The following RUNDC3B variants were observed in gnomAD, a reference collection of about 807,000 sequenced individuals.
RUNDC3B encodes the protein RUN domain-containing protein 3B.
In RUNDC3B, 33 loss-of-function variants were observed where a neutral mutation model predicts 58.4. That is an observed-to-expected ratio of 0.56 (90% confidence interval 0.43 to 0.75). The LOEUF is 0.75. Ranked by LOEUF, RUNDC3B falls within the 30% of genes least tolerant of loss-of-function variation. The pLI is 0.00. For synonymous variants in RUNDC3B, 193 were observed against 195.2 expected, an observed-to-expected ratio of 0.99 and a Z score of 0.10; for missense variants, 501 against 535.7, an observed-to-expected ratio of 0.94 and a Z score of 0.64.
chr7:87,695,618 T>G (rs550990141), intron 2 of RUNDC3B, among the ~76,000 whole-genome samples: 1 of 152,250 alleles, frequency 6.6e-6, no homozygotes, highest in Middle Eastern at 3.4e-3. Context: ...AACAGAACTT[T>G]CATTTGTGAA....
At chr7:87,632,611 T>A (rs1381307762) in intron 1 of RUNDC3B, among the ~76,000 whole-genome samples, 1 of 152,196 alleles carries the variant, frequency 6.6e-6, no homozygotes, top group Non-Finnish European at 1.5e-5. Flanking sequence ...ATATTCTCTA[T>A]CGTTTAGAAC....
At chr7:87,689,563 A>G (rs890681399) in intron 2 of RUNDC3B, among the ~76,000 whole-genome samples, 1 of 152,164 alleles carries the variant, frequency 6.6e-6, no homozygotes, top group Non-Finnish European at 1.5e-5. Flanking sequence ...CTAATTATTA[A>G]TTAGCTAATA....
chr7:87,692,374 T>C (rs1212707655), intron 2 of RUNDC3B, among the ~76,000 whole-genome samples: 1 of 152,174 alleles, frequency 6.6e-6, no homozygotes, highest in East Asian at 1.9e-4. Context: ...GGAGGATCGC[T>C]TGAGTCCAAG....
intron 4 of RUNDC3B, chr7:87,713,245 A>T (rs201724184): frequency 1.3e-5 from 2 of 152,190 alleles, no homozygotes; most frequent in African/African-American, 2.4e-5. Context: ...AGAATATCTG[A>T]ATAAAGTAGA....
chr7:87,629,818 C>G (rs1194732177), intron 1 of RUNDC3B, among the ~76,000 whole-genome samples: 1 of 150,432 alleles, frequency 6.6e-6, no homozygotes, highest in African/African-American at 2.5e-5. Flanking sequence ...CCCAGCTACT[C>G]GGGAGGGTGA....
intron 4 of RUNDC3B, among the ~76,000 whole-genome samples, chr7:87,723,874 A>G (rs1831050717): frequency 6.6e-6 from 1 of 152,212 alleles, no homozygotes; most frequent in Non-Finnish European, 1.5e-5. Context: ...ATGTCCAAAT[A>G]TGATAAAGCG....
intron 6 of RUNDC3B, among the ~76,000 whole-genome samples, chr7:87,746,072 G>A (rs1330889440): frequency 6.6e-6 from 1 of 152,178 alleles, no homozygotes; most frequent in Non-Finnish European, 1.5e-5. Context: ...TGCTCATTAA[G>A]GAGCAGGTTA....
intron 2 of RUNDC3B, among the ~76,000 whole-genome samples, chr7:87,684,639 G>A (rs758250173): frequency 2.7e-5 from 4 of 150,734 alleles, no homozygotes; most frequent in African/African-American, 4.9e-5. Context: ...CCCCAGCTAC[G>A]CAGGAGGCTG....
At chr7:87,678,471 T>A (rs1412107902) in intron 2 of RUNDC3B, among the ~76,000 whole-genome samples, 1 of 152,142 alleles carries the variant, frequency 6.6e-6, no homozygotes, top group Non-Finnish European at 1.5e-5. Context: ...TAAGAGTTTT[T>A]AGCCAAAAAA....
intron 8 of RUNDC3B, among the ~76,000 whole-genome samples, chr7:87,798,300 G>C (rs888540967): frequency 7.2e-5 from 11 of 152,146 alleles, no homozygotes; most frequent in Non-Finnish European, 1.5e-5. Context: ...GTTCTAGTTA[G>C]AAAGATGATT....
intron 2 of RUNDC3B, among the ~76,000 whole-genome samples, chr7:87,675,707 AAGAG>A (rs1156888771): frequency 2.0e-5 from 3 of 151,284 alleles, no homozygotes; most frequent in Non-Finnish European, 2.9e-5. Flanking sequence ...AAAACAAAGA[AAGAG>A]AGAGAGAAAT....
At chr7:87,663,716 A>G (rs1010765676) in intron 2 of RUNDC3B, among the ~76,000 whole-genome samples, 3 of 152,154 alleles carry the variant, frequency 2.0e-5, no homozygotes, top group Non-Finnish European at 4.4e-5. Context: ...GAGTACTATA[A>G]CAAAATACTA....
intron 10 of RUNDC3B, among the ~76,000 whole-genome samples, chr7:87,822,950 A>G (rs1308543217): frequency 1.3e-5 from 2 of 152,250 alleles, no homozygotes; most frequent in East Asian, 3.9e-4. Context: ...ATGACGAGTT[A>G]TTTGGTGCAG....
chr7:87,646,393 G>A (rs955727160), intron 1 of RUNDC3B, among the ~76,000 whole-genome samples: 2 of 152,114 alleles, frequency 1.3e-5, no homozygotes, highest in African/African-American at 4.8e-5. Flanking sequence ...GGTGGAAATT[G>A]AGTTCTAACC....
chr7:87,752,144 T>C (rs1833044359), intron 6 of RUNDC3B, among the ~76,000 whole-genome samples: 1 of 152,242 alleles, frequency 6.6e-6, no homozygotes, highest in South Asian at 2.1e-4. Context: ...ATATGGTTTT[T>C]GTCTTTGTTT....
chr7:87,763,293 C>G (rs1399465024), intron 6 of RUNDC3B, among the ~76,000 whole-genome samples: 1 of 151,558 alleles, frequency 6.6e-6, no homozygotes, highest in African/African-American at 2.4e-5. Flanking sequence ...CTAAAGTAGG[C>G]ATAATTGTTA....
chr7:87,820,199 A>T (rs1323386716), intron 10 of RUNDC3B, among the ~76,000 whole-genome samples: 1 of 152,148 alleles, frequency 6.6e-6, no homozygotes. Context: ...AAAATGATAA[A>T]GGGGATATCA....
At chr7:87,724,392 C>T (rs1831092267) in intron 4 of RUNDC3B, among the ~76,000 whole-genome samples, 2 of 151,934 alleles carry the variant, frequency 1.3e-5, no homozygotes, top group Non-Finnish European at 2.9e-5. Context: ...TGGATTGTTT[C>T]TAAATTTAAG....
At chr7:87,641,390 A>G (rs570641860) in intron 1 of RUNDC3B, among the ~76,000 whole-genome samples, 2 of 152,278 alleles carry the variant, frequency 1.3e-5, no homozygotes, top group East Asian at 3.9e-4. Flanking sequence ...GCTTTCATCC[A>G]ATCAGGGACT....
Sources: allele counts gnomAD v4.1 joint callset (sites outside exome capture counted in the v4.1 genomes callset), GRCh38; gene constraint gnomAD v4.1.1; transcripts MANE v1.5; gene names NCBI Gene and HGNC (gene_info 2026-07-23, HGNC 2026-07-21).